Variants in TBC1D8 observed in about 807,000 individuals in gnomAD.
The protein encoded by TBC1D8 is TBC1 domain family member 8.
A neutral mutation model predicts 118.8 loss-of-function variants in TBC1D8; 65 were observed. The observed-to-expected ratio is 0.55, with a 90% CI of 0.45 to 0.67. TBC1D8 has a LOEUF of 0.67. Among genes scored for constraint, TBC1D8 ranks in the 30% least tolerant of loss-of-function variants. The pLI is 0.00. For missense variants in TBC1D8, 1,376 were observed against 1,471.2 expected, an observed-to-expected ratio of 0.94 and a Z score of 1.06; for synonymous variants, 566 against 595.8, an observed-to-expected ratio of 0.95 and a Z score of 0.73.
intron 2 of TBC1D8, among the ~76,000 whole-genome samples, chr2:101,060,139 C>T (rs1004355884): frequency 1.3e-5 from 2 of 152,228 alleles, no homozygotes; most frequent in African/African-American, 4.8e-5. Context: ...ACCCTACTAA[C>T]GCAAAGAACT....
chr2:101,016,655 C>A (rs1477648106), intron 17 of TBC1D8, among the ~76,000 whole-genome samples: 5 of 152,110 alleles, frequency 3.3e-5, no homozygotes, highest in South Asian at 4.1e-4. Flanking sequence ...TTCACAATAG[C>A]AAAGACTTGG....
Position 101,035,471 on chromosome 2 carries a change from G to A in TBC1D8, c.1603+547C>T, listed in dbSNP as rs116370224. The stretch of plus-strand genomic sequence containing the variant: ...CCCAATGGGTGCAGTGAGAGGCCCC[G>A]GGGCTCTGAAGCTAAAAGAGGCCAT... On this transcript the variant is annotated intron_variant, in intron 9 of 19. Transcript: ENST00000409318. Among the ~76,000 whole-genome samples, 497 of 152,250 alleles carry A rather than the reference G, an allele frequency of 3.3e-3. 4 individuals are homozygous for A. Among genetic ancestry groups the A allele is most frequent in the African/African-American group, 0.011 (470 of 41,558 alleles).
At chr2:101,102,224 C>T (rs903959805) in intron 1 of TBC1D8, among the ~76,000 whole-genome samples, 2 of 152,018 alleles carry the variant, frequency 1.3e-5, no homozygotes, top group Non-Finnish European at 2.9e-5. Flanking sequence ...GAGGCTGAGG[C>T]AGGCAGATGA....
Position 101,029,518 on chromosome 2 carries a change from T to C in TBC1D8, c.2195A>G (p.Asp732Gly). 1.9e-6 allele frequency: 3 copies of C among 1,613,756 alleles called. No individual in the cohort carries two copies. Among genetic ancestry groups the C allele is most frequent in the Non-Finnish European group, 2.5e-6 (3 of 1,179,792 alleles). ...NAEDLCSSKD[D>G]GQALMILSRF... ...GCTGAGGATCATCAAGGCCTGGCCA[T>C]CATCCTTGCTGCTGCACAGGTCCTC... The change falls in exon 12 of 20, where the codon GAT becomes GGT. Residue 732 changes from aspartate (D) to glycine (G), a missense_variant. Transcript: ENST00000409318.
At chr2:101,062,540 T>G (rs1271942304) in intron 2 of TBC1D8, among the ~76,000 whole-genome samples, 1 of 152,156 alleles carries the variant, frequency 6.6e-6, no homozygotes, top group African/African-American at 2.4e-5. Flanking sequence ...GCTCAAGTAT[T>G]TGTCCAAAAT....
intron 1 of TBC1D8, among the ~76,000 whole-genome samples, chr2:101,097,148 C>T (rs1017558840): frequency 4.6e-5 from 7 of 151,410 alleles, no homozygotes; most frequent in South Asian, 2.1e-4. Flanking sequence ...AAAAAGCCTG[C>T]GAACAAGAGA....
chr2:101,017,813 CATACTA>C (rs780488230), intron 17 of TBC1D8: 23 of 1,541,288 alleles, frequency 1.5e-5, no homozygotes, highest in African/African-American at 2.7e-5. Flanking sequence ...TATTAGTTTT[CATACTA>C]ATACTAACAG....
chr2:101,058,391 AAAAC>A (rs1682562353), intron 3 of TBC1D8, among the ~76,000 whole-genome samples: 1 of 152,234 alleles, frequency 6.6e-6, no homozygotes, highest in African/African-American at 2.4e-5. Flanking sequence ...CTTTTTGCAG[AAAAC>A]AAACAAAATC....
intron 2 of TBC1D8, among the ~76,000 whole-genome samples, chr2:101,071,068 G>C (rs573402811): frequency 1.3e-5 from 2 of 152,116 alleles, no homozygotes; most frequent in Non-Finnish European, 2.9e-5. Context: ...GGCCAGGCAC[G>C]ATGGCTCATG....
chr2:101,028,222 C>T (rs1680454793), intron 13 of TBC1D8, 76 bp from the exon 14 acceptor site: 3 of 1,598,492 alleles, frequency 1.9e-6, no homozygotes, highest in Non-Finnish European at 2.6e-6. Flanking sequence ...GCCCAGGAAC[C>T]TCCTTCCACA....
chr2:101,042,579 G>C (rs1681450050), intron 5 of TBC1D8, among the ~76,000 whole-genome samples: 1 of 152,064 alleles, frequency 6.6e-6, no homozygotes, highest in South Asian at 2.1e-4. Flanking sequence ...CAGAAACTAG[G>C]CATAGTACCT....
At chr2:101,140,911 G>A (rs903164175) in intron 1 of TBC1D8, among the ~76,000 whole-genome samples, 13 of 151,918 alleles carry the variant, frequency 8.6e-5, no homozygotes, top group African/African-American at 2.9e-4. Context: ...ACAGGGATGC[G>A]CCACCATGCC....
chr2:101,009,078 C>G lies in TBC1D8; in HGVS notation c.3016-805G>C, dbSNP rs74263216. Reference sequence around the variant, plus strand: ...GTGCTTCAGGTGGAATCTAGCTACACAATTACTCCAAGAATAGAAAAATGG... The same window carrying G: ...GTGCTTCAGGTGGAATCTAGCTACAGAATTACTCCAAGAATAGAAAAATGG... On this transcript the variant is annotated intron_variant, in intron 19 of 19. Coordinates refer to ENST00000409318, the MANE Select transcript of TBC1D8 (RefSeq NM_001330348.2). Among the ~76,000 whole-genome samples the G allele has an allele frequency of 5.4e-3, 828 of 152,176 alleles. 19 individuals carry two copies. In the East Asian group the frequency reaches 0.064, roughly 12 times the overall value.
chr2:101,084,156 A>T (rs1415693692), intron 2 of TBC1D8, among the ~76,000 whole-genome samples: 1 of 152,120 alleles, frequency 6.6e-6, no homozygotes, highest in African/African-American at 2.4e-5. Flanking sequence ...CTAGGAGTTA[A>T]CCTGCTCAGG....
intron 1 of TBC1D8, among the ~76,000 whole-genome samples, chr2:101,108,946 C>G (rs1320112113): frequency 6.6e-6 from 1 of 152,160 alleles, no homozygotes; most frequent in Admixed American, 6.5e-5. Context: ...AAACCAAAAC[C>G]AGGTATGGGG....
At chr2:101,067,660 T>C (rs1220102976) in intron 2 of TBC1D8, among the ~76,000 whole-genome samples, 1 of 152,230 alleles carries the variant, frequency 6.6e-6, no homozygotes, top group Non-Finnish European at 1.5e-5. Context: ...CATAATCTTT[T>C]TGCTGCTGGA....
chr2:101,064,420 G>A (rs1682915718), intron 2 of TBC1D8, among the ~76,000 whole-genome samples: 1 of 152,176 alleles, frequency 6.6e-6, no homozygotes, highest in Non-Finnish European at 1.5e-5. Flanking sequence ...CTCAGTGTGT[G>A]GAGGGGGATG....
chr2:101,151,377 C>T lies in TBC1D8; in HGVS notation c.-124G>A. On this transcript the variant is annotated 5_prime_UTR_variant, in exon 1 of 20. Transcript: ENST00000409318. ...GGACCACAGCCCGGCCGGTGCCCAG[C>T]GCTCTGAGAGCCCGCGGAGCGCAGC... The T allele has an allele frequency of 1.0e-6, 1 of 963,424 alleles. No individual in the cohort carries two copies. Among genetic ancestry groups the T allele is most frequent in the Non-Finnish European group, 1.3e-6 (1 of 780,720 alleles). The allele number at this position is 963,424 out of a possible 1,614,324, so 59.7% of individuals were successfully genotyped here. A position where few individuals can be genotyped will look rare whatever the true frequency, so the allele number is the denominator to read the frequency against.
At chr2:101,076,259 C>T (rs965471061) in intron 2 of TBC1D8, among the ~76,000 whole-genome samples, 1 of 152,104 alleles carries the variant, frequency 6.6e-6, no homozygotes, top group African/African-American at 2.4e-5. Context: ...TAGAAAACCA[C>T]CATTTCATGA....
Sources: allele counts gnomAD v4.1 joint callset (sites outside exome capture counted in the v4.1 genomes callset), GRCh38; gene constraint gnomAD v4.1.1; transcripts MANE v1.5; gene names NCBI Gene and HGNC (gene_info 2026-07-23, HGNC 2026-07-21).